The following RAPGEF2 variants were observed in gnomAD, a reference collection of about 807,000 sequenced individuals.
RAPGEF2 encodes the protein PDZ domain containing guanine nucleotide exchange factor (GEF) 1.
In RAPGEF2, 54 loss-of-function variants were observed where a neutral mutation model predicts 186.7. The observed-to-expected ratio is 0.29, with a 90% CI of 0.23 to 0.36. The LOEUF is 0.36. Among genes scored for constraint, RAPGEF2 ranks in the 10% least tolerant of loss-of-function variants. The pLI is 1.00. For missense variants in RAPGEF2, 1,532 were observed against 2,045.0 expected, an observed-to-expected ratio of 0.75 and a Z score of 4.84; for synonymous variants, 712 against 705.9, an observed-to-expected ratio of 1.01 and a Z score of -0.14.
chr4:159,210,575 A>T lies in RAPGEF2; in HGVS notation c.273A>T (p.Pro91=), dbSNP rs1750421616. ...TCATCAAGGAATCCATGTTTCTTCC[A>T]AGAAGCAGGTATTGTATAGACATTC... is the stretch of plus-strand genomic sequence containing the variant. The part of the protein sequence containing the change: ...SVFIKESMFL[P]RSSFGKRSAG... Residue 91 remains proline, a synonymous_variant, in exon 4 of 30, where the codon CCA becomes CCT. Coordinates refer to ENST00000691494, the MANE Select transcript of RAPGEF2 (RefSeq NM_001394067.2). 11 of 1,526,318 alleles carry T rather than the reference A, an allele frequency of 7.2e-6. No homozygotes were observed. The South Asian group carries it at 9.5e-5, about 13-fold the overall frequency. 94.5% of individuals were successfully genotyped at this position (1,526,318 alleles called of 1,614,324 possible).
chr4:159,163,984 T>G (rs1469779363), intron 1 of RAPGEF2, among the ~76,000 whole-genome samples: 1 of 152,082 alleles, frequency 6.6e-6, no homozygotes, highest in Non-Finnish European at 1.5e-5. Flanking sequence ...TAGATAATGA[T>G]AACATGTATC....
intron 7 of RAPGEF2, among the ~76,000 whole-genome samples, chr4:159,252,170 C>G (rs1057120564): frequency 6.6e-6 from 1 of 152,180 alleles, no homozygotes; most frequent in Non-Finnish European, 1.5e-5. Flanking sequence ...AAGAGATCCT[C>G]CCACCTCAGC....
chr4:159,218,075 A>G (rs1014287244), intron 4 of RAPGEF2, among the ~76,000 whole-genome samples: 1 of 152,260 alleles, frequency 6.6e-6, no homozygotes, highest in Non-Finnish European at 1.5e-5. Flanking sequence ...CTTAAGGAGT[A>G]TGGCATTTTA....
At chr4:159,188,207 CTAAT>C (rs1273173640) in intron 2 of RAPGEF2, among the ~76,000 whole-genome samples, 9 of 152,098 alleles carry the variant, frequency 5.9e-5, no homozygotes, top group Non-Finnish European at 1.3e-4. Flanking sequence ...GGAAATGCAA[CTAAT>C]TAATATGTAA....
At chr4:159,343,217 C>G (rs778283436) in intron 21 of RAPGEF2, 27 bp downstream of exon 21, 2 of 1,613,938 alleles carry the variant, frequency 1.2e-6, no homozygotes, top group Non-Finnish European at 1.7e-6. Flanking sequence ...GGGTTTCCAT[C>G]TTTGCTTGAA....
intron 1 of RAPGEF2, among the ~76,000 whole-genome samples, chr4:159,110,267 T>C (rs185937706): frequency 6.6e-5 from 10 of 152,316 alleles, no homozygotes; most frequent in Admixed American, 5.9e-4. Flanking sequence ...ATTCTGGGAA[T>C]CTAGTTTGAA....
At chr4:159,330,298 TA>T (rs777171656) in intron 12 of RAPGEF2, 35 bp from the exon 13 acceptor site, 2 of 707,786 alleles carry the variant, frequency 2.8e-6, no homozygotes, top group African/African-American at 3.4e-5. Context: ...TGTGTGTGTA[TA>T]TATATGTAGT....
chr4:159,210,655 T>C (rs1235002334), intron 4 of RAPGEF2, 72 bp downstream of exon 4: 32 of 1,167,196 alleles, frequency 2.7e-5, no homozygotes, highest in East Asian at 1.5e-4. Context: ...AGTTCTAAAA[T>C]TCTTTTCTCT....
intron 8 of RAPGEF2, among the ~76,000 whole-genome samples, chr4:159,311,632 A>C (rs1262188017): frequency 6.6e-6 from 1 of 152,168 alleles, no homozygotes; most frequent in Non-Finnish European, 1.5e-5. Context: ...TCACATCATG[A>C]ATAGTAGAGG....
chr4:159,185,270 A>G (rs1383745433), intron 1 of RAPGEF2, among the ~76,000 whole-genome samples: 1 of 152,182 alleles, frequency 6.6e-6, no homozygotes, highest in Non-Finnish European at 1.5e-5. Context: ...AGGTCCTTAA[A>G]GAGTCAAACA....
At chr4:159,330,767 T>C (rs185167662) in intron 13 of RAPGEF2, 115 of 353,474 alleles carry the variant, frequency 3.3e-4, no homozygotes, top group African/African-American at 2.5e-3. Context: ...TTTTTTTAAG[T>C]TCTGTTGGGA....
In RAPGEF2 at chr4:159,277,934, A is replaced by G. The variant is rs180685585; in HGVS notation, c.544-26408A>G. ...TGCAGAAGCTCGTTAGTTTAATTAG[A>G]TCCCATTTGTTTAATTAGATCCCAT... On this transcript the variant is annotated intron_variant, in intron 7 of 29. Coordinates refer to ENST00000691494, the MANE Select transcript of RAPGEF2 (RefSeq NM_001394067.2). Among the ~76,000 whole-genome samples the G allele has an allele frequency of 3.4e-3, 518 of 152,122 alleles. 4 individuals are homozygous for G. The highest frequency in any genetic ancestry group is 0.012 in the African/African-American group (501 of 41,482).
intron 1 of RAPGEF2, among the ~76,000 whole-genome samples, chr4:159,118,230 C>G (rs943079678): frequency 2.6e-5 from 4 of 152,118 alleles, no homozygotes; most frequent in Admixed American, 1.3e-4. Context: ...AGATTAGCAG[C>G]AGCATTAGAT....
At chr4:159,352,494 AAAC>A (rs1731333728) in intron 26 of RAPGEF2, 188 bp from the exon 27 acceptor site, 1 of 545,322 alleles carries the variant, frequency 1.8e-6, no homozygotes, top group East Asian at 2.9e-5. Flanking sequence ...AACTTCGATT[AAAC>A]AACTTAAGCT....
At chr4:159,246,960 C>T (rs1025662671) in intron 7 of RAPGEF2, among the ~76,000 whole-genome samples, 3 of 151,954 alleles carry the variant, frequency 2.0e-5, no homozygotes, top group Non-Finnish European at 4.4e-5. Context: ...ATTTAAAAAT[C>T]TGTTTATGTA....
chr4:159,157,443 A>G (rs1341278567), intron 1 of RAPGEF2, among the ~76,000 whole-genome samples: 13 of 152,326 alleles, frequency 8.5e-5, no homozygotes, highest in African/African-American at 2.6e-4. Flanking sequence ...CTCCCAAATT[A>G]TGTGCTTATT....
At chr4:159,228,565 TC>T (rs1752280722) in intron 4 of RAPGEF2, among the ~76,000 whole-genome samples, 2 of 152,172 alleles carry the variant, frequency 1.3e-5, no homozygotes, top group Non-Finnish European at 2.9e-5. Context: ...GGAGCAAACT[TC>T]TGTTAATTTT....
chr4:159,295,722 T>A (rs61699232), intron 7 of RAPGEF2, among the ~76,000 whole-genome samples: 3,709 of 50,656 alleles, frequency 0.073, 131 homozygotes, highest in African/African-American at 0.19. Context: ...AGTGTGTGAG[T>A]GTGTGTGTGT....
In RAPGEF2 at chr4:159,270,551, A is replaced by AT. The variant is rs201249014; in HGVS notation, c.543+26768dup. Among the ~76,000 whole-genome samples, 1,140 of 151,808 alleles carry AT rather than the reference A, an allele frequency of 7.5e-3. 13 individuals are homozygous for AT. The highest frequency in any genetic ancestry group is 0.025 in the African/African-American group (1,016 of 41,408). Reference sequence around the variant, plus strand: ...AAACCATTAAATTTGGGGTGGGGGCATTTTTTTTAGCTATGATTAGGCACA... The same window carrying AT: ...AAACCATTAAATTTGGGGTGGGGGCATTTTTTTTTAGCTATGATTAGGCACA... On this transcript the variant is annotated intron_variant, in intron 7 of 29. Coordinates refer to ENST00000691494, the MANE Select transcript of RAPGEF2 (RefSeq NM_001394067.2).
Sources: gnomAD v4.1 joint callset for allele counts (sites outside exome capture counted in the v4.1 genomes callset) on GRCh38, gnomAD v4.1.1 for gene constraint, MANE v1.5 for transcripts, NCBI Gene and HGNC (gene_info 2026-07-23, HGNC 2026-07-21) for gene names.